Variants in ARSG observed in about 807,000 individuals in gnomAD.
ARSG encodes the protein ASG.
In ARSG, 37 loss-of-function variants were observed where a neutral mutation model predicts 50.5. The observed-to-expected ratio is 0.73, with a 90% CI of 0.56 to 0.96. ARSG has a LOEUF of 0.96. ARSG is among the 50% of genes least tolerant of loss of function. The pLI is 0.00. For missense variants in ARSG, 629 were observed against 675.3 expected (o/e 0.93, Z 0.76); for synonymous variants, 225 against 254.6 (o/e 0.88, Z 1.11).
the ARSG span, among the ~76,000 whole-genome samples, chr17:68,442,685 C>T: frequency 3.3e-5 from 5 of 152,160 alleles, no homozygotes; most frequent in Non-Finnish European, 7.4e-5. Context: ...CCAGCTCAGG[C>T]CCTGCCAGCC....
downstream of ARSG, among the ~76,000 whole-genome samples, chr17:68,423,423 A>G (rs1404664357): frequency 6.6e-6 from 1 of 152,122 alleles, no homozygotes; most frequent in Non-Finnish European, 1.5e-5. This position sits in a 1 kb window ranked among gnomAD's most constrained non-coding sequence, Gnocchi z 4.4. Context: ...ATCACCATCT[A>G]CCTGCAGGCT....
chr17:68,271,727 A>G lies in ARSG; in HGVS notation c.-552+12301A>G. The G allele has an allele frequency of 8.4e-7, 1 of 1,192,058 alleles. No individual in the cohort carries two copies. The highest frequency in any genetic ancestry group is 1.2e-6 in the Non-Finnish European group (1 of 846,334). 73.8% of individuals were successfully genotyped at this position (1,192,058 alleles called of 1,614,324 possible). On this transcript the variant is annotated intron_variant, in intron 1 of 11. Transcript: ENST00000448504. This position sits in a 1 kb window ranked among gnomAD's most constrained non-coding sequence, Gnocchi z 5.3. Reference sequence around the variant, plus strand: ...ACTCAAGACCCAGGAGAAGCCATCAAGAAGAAATATGGATCCAGATTTTGT... The same window carrying G: ...ACTCAAGACCCAGGAGAAGCCATCAGGAAGAAATATGGATCCAGATTTTGT...
intron 2 of ARSG, among the ~76,000 whole-genome samples, chr17:68,310,863 T>C (rs142838091): frequency 2.5e-3 from 384 of 152,338 alleles, no homozygotes; most frequent in Non-Finnish European, 4.7e-3. Context: ...CAAAGACATT[T>C]TTTAGCCCTA....
chr17:68,262,781 T>C (rs1306500657), intron 1 of ARSG, among the ~76,000 whole-genome samples: 3 of 151,972 alleles, frequency 2.0e-5, no homozygotes, highest in Non-Finnish European at 4.4e-5. Flanking sequence ...GGAGAGCCGA[T>C]TGGATGTGTG....
chr17:68,280,179 C>CAAAAAAAAAAAAAAAA (rs58937538), intron 1 of ARSG, among the ~76,000 whole-genome samples: 1 of 87,568 alleles, frequency 1.1e-5, no homozygotes. Context: ...AACTCTGTCT[C>CAAAAAAAAAAAAAAAA]AAAAAAAAAA....
At chr17:68,313,697 T>TTTTTTTTA (rs1599678089) in intron 2 of ARSG, among the ~76,000 whole-genome samples, 1 of 150,826 alleles carries the variant, frequency 6.6e-6, no homozygotes. Context: ...TTTTTTTTTT[T>TTTTTTTTA]GAGACACAGT....
chr17:68,288,073 T>G (rs1204310279), upstream of ARSG, among the ~76,000 whole-genome samples: 2 of 148,390 alleles, frequency 1.3e-5, no homozygotes. Flanking sequence ...CTCAGCCCAC[T>G]GCAAGCTCTG....
the ARSG span, among the ~76,000 whole-genome samples, chr17:68,451,632 G>C: frequency 6.6e-6 from 1 of 152,192 alleles, no homozygotes; most frequent in Admixed American, 6.5e-5. Context: ...TGACTTCTCA[G>C]TTGGGAACTT....
intron 8 of ARSG, 75 bp downstream of exon 8, chr17:68,370,599 G>A (rs559431875): frequency 1.6e-4 from 223 of 1,376,198 alleles, no homozygotes; most frequent in Non-Finnish European, 2.2e-4. Context: ...TTCTGCCTCC[G>A]GGTGGGGGAC....
intron 8 of ARSG, among the ~76,000 whole-genome samples, chr17:68,382,131 A>G (rs976065400): frequency 6.6e-6 from 1 of 151,928 alleles, no homozygotes; most frequent in African/African-American, 2.4e-5. Context: ...TTGTATTTTT[A>G]GTAGAGATGG....
intron 4 of ARSG, among the ~76,000 whole-genome samples, chr17:68,347,674 T>C (rs891966084): frequency 6.6e-6 from 1 of 152,212 alleles, no homozygotes; most frequent in African/African-American, 2.4e-5. Context: ...AAAATCACTT[T>C]GCTGAAGGGC....
rs1395513835 is a variant in ARSG at position 68,420,669 on chromosome 17, A to T, written c.*206A>T. 1.6e-6 allele frequency: 1 copy of T among 628,286 alleles called. No homozygotes were observed. The highest frequency in any genetic ancestry group is 1.8e-5 in the African/African-American group (1 of 54,356). 38.9% of individuals were successfully genotyped at this position (628,286 alleles called of 1,614,324 possible). A position where few individuals can be genotyped will look rare whatever the true frequency, so the allele number is the denominator to read the frequency against. ...TGAGCTGCGCTGGCTCTGGGCAGGG[A>T]GTGTGCCTTAATGGGAAGCACACGG... is the stretch of plus-strand genomic sequence containing the variant. On this transcript the variant is annotated 3_prime_UTR_variant, in exon 12 of 12. Transcript: ENST00000621439.
chr17:68,304,764 A>G (rs1347059688), intron 1 of ARSG, among the ~76,000 whole-genome samples: 1 of 152,232 alleles, frequency 6.6e-6, no homozygotes, highest in African/African-American at 2.4e-5. Context: ...CGCTAGCCTC[A>G]AGTAATCCTT....
chr17:68,404,578 G>A (rs1301761478), intron 11 of ARSG, among the ~76,000 whole-genome samples: 1 of 152,006 alleles, frequency 6.6e-6, no homozygotes, highest in Non-Finnish European at 1.5e-5. Flanking sequence ...TGCTGATTTT[G>A]ATTTGCTAAG....
rs2082703414 is a variant in ARSG at position 68,420,460 on chromosome 17, A to G, written c.1575A>G (p.Ala525=). The part of the protein sequence containing the change: ...PYQIACRCQA[A] ...AAATTGCCTGCCGCTGTCAAGCCGC[A>G]TAACAGACCAATTTTTATTCCACGA... Residue 525 remains alanine (A), a synonymous_variant, in exon 12 of 12, where the codon GCA becomes GCG. Coordinates refer to ENST00000621439, the MANE Select transcript of ARSG (RefSeq NM_001267727.2). 6.2e-7 allele frequency: 1 copy of G among 1,605,888 alleles called. No individual in the cohort carries two copies. The highest frequency in any genetic ancestry group is 1.3e-5 in the African/African-American group (1 of 74,858).
intron 2 of ARSG, among the ~76,000 whole-genome samples, chr17:68,332,103 C>T (rs994640456): frequency 5.3e-5 from 8 of 152,334 alleles, no homozygotes; most frequent in South Asian, 2.1e-4. Context: ...GGGAGCACTA[C>T]GGGCGACCGG....
At chr17:68,444,534 T>G in the ARSG span, 1 of 1,614,012 alleles carries the variant, frequency 6.2e-7, no homozygotes, top group Non-Finnish European at 8.5e-7. Context: ...CTTCAACAGC[T>G]TCATGTCTTT....
the ARSG span, among the ~76,000 whole-genome samples, chr17:68,438,725 C>T: frequency 3.3e-5 from 5 of 152,146 alleles, no homozygotes; most frequent in East Asian, 3.9e-4. Flanking sequence ...CTCAGCCTGC[C>T]AAGTAGCTGG....
chr17:68,284,704 C>T (rs2075802252), intron 1 of ARSG, among the ~76,000 whole-genome samples: 2 of 152,188 alleles, frequency 1.3e-5, no homozygotes, highest in South Asian at 4.1e-4. Context: ...ATCATTCATC[C>T]TACTGATAGC....
Sources: allele counts gnomAD v4.1 joint callset (sites outside exome capture counted in the v4.1 genomes callset), GRCh38; gene constraint gnomAD v4.1.1; non-coding constraint Gnocchi (gnomAD v3.1); transcripts MANE v1.5; gene names NCBI Gene and HGNC (gene_info 2026-07-23, HGNC 2026-07-21).